Variants in ANP32A observed in about 807,000 individuals in gnomAD.
ANP32A encodes acidic nuclear phosphoprotein 32 family member A.
A neutral mutation model predicts 33.9 loss-of-function variants in ANP32A; 1 was observed. The ratio of observed to expected loss-of-function variants is 0.03; its 90% CI spans 0.01 to 0.14. ANP32A has a LOEUF of 0.14. Among genes scored for constraint, ANP32A ranks in the 10% least tolerant of loss-of-function variants. The pLI is 1.00. For missense variants in ANP32A, 155 were observed against 306.0 expected (o/e 0.51, Z 3.68); for synonymous variants, 115 against 120.5 (o/e 0.95, Z 0.30).
At position 68,810,740 on chromosome 15, in the gene ANP32A, G is replaced by A. The variant is rs990898970; in HGVS notation, c.54+9958C>T. On this transcript the variant is annotated intron_variant, in intron 1 of 6. Coordinates refer to ENST00000465139, the MANE Select transcript of ANP32A (RefSeq NM_006305.4). The stretch of plus-strand genomic sequence containing the variant: ...GCCGTAGAAGATATACCAGAGAAAG[G>A]GAGAGCATCTATCATAAAGTCAAGA... 2.0e-5 allele frequency among the ~76,000 whole-genome samples: 3 copies of A among 152,066 alleles called. No homozygotes were observed. In the East Asian group the frequency reaches 5.8e-4, roughly 29 times the overall value.
chr15:68,804,108 A>G (rs1204296717), intron 1 of ANP32A, among the ~76,000 whole-genome samples: 1 of 152,168 alleles, frequency 6.6e-6, no homozygotes, highest in East Asian at 1.9e-4. Context: ...CCCACAATAA[A>G]ACATTTTTAA....
intron 1 of ANP32A, among the ~76,000 whole-genome samples, chr15:68,818,814 G>C (rs1894428591): frequency 6.6e-6 from 1 of 151,674 alleles, no homozygotes; most frequent in Non-Finnish European, 1.5e-5. Context: ...CGGGAAGACC[G>C]CGGCCCCGGC....
At chr15:68,783,239 A>C (rs1405374426) in intron 4 of ANP32A, among the ~76,000 whole-genome samples, 186 bp from the exon 5 acceptor site, 1 of 152,150 alleles carries the variant, frequency 6.6e-6, no homozygotes, top group East Asian at 1.9e-4. Flanking sequence ...CACATCCTGA[A>C]GTTGTGCCAA....
At position 68,820,850 on chromosome 15, in the gene ANP32A, C is replaced by G; in HGVS notation, c.-99G>C. On this transcript the variant is annotated 5_prime_UTR_variant, in exon 1 of 7. Coordinates refer to ENST00000465139, the MANE Select transcript of ANP32A (RefSeq NM_006305.4). ...GCGTTTTAGGACTTTGAAGGCTCAACCAGCTCCGCTCGGTTCTCGAGCCCC... is the reference window on the plus strand; with the variant it reads ...GCGTTTTAGGACTTTGAAGGCTCAAGCAGCTCCGCTCGGTTCTCGAGCCCC... 1 of 1,436,962 alleles carries G rather than the reference C, an allele frequency of 7.0e-7. No homozygotes were observed. Among genetic ancestry groups the G allele is most frequent in the Non-Finnish European group, 9.7e-7 (1 of 1,030,682 alleles). 89.0% of individuals were successfully genotyped at this position (1,436,962 alleles called of 1,614,324 possible).
chr15:68,789,025 C>T (rs541975253), intron 1 of ANP32A, among the ~76,000 whole-genome samples: 2 of 152,266 alleles, frequency 1.3e-5, no homozygotes, highest in East Asian at 1.9e-4. Flanking sequence ...ATGAAATGAC[C>T]CTGGGAGTAA....
At chr15:68,808,018 G>T (rs1015892817) in intron 1 of ANP32A, among the ~76,000 whole-genome samples, 2 of 152,200 alleles carry the variant, frequency 1.3e-5, no homozygotes, top group African/African-American at 4.8e-5. Flanking sequence ...ACAATCCCAT[G>T]GTGGTGGGGA....
At chr15:68,789,598 C>T (rs1006578658) in intron 1 of ANP32A, 3 of 152,464 alleles carry the variant, frequency 2.0e-5, no homozygotes, top group Non-Finnish European at 4.4e-5. Context: ...TGCCCCTCCT[C>T]AGCCCCCTCT....
intron 1 of ANP32A, chr15:68,791,389 C>T (rs75302609): frequency 0.024 from 3,609 of 152,392 alleles, 112 homozygotes; most frequent in East Asian, 0.18. Context: ...ATGACTCTTA[C>T]GACGGGTAAG....
chr15:68,819,287 G>T (rs1894437635), intron 1 of ANP32A, among the ~76,000 whole-genome samples: 1 of 152,084 alleles, frequency 6.6e-6, no homozygotes, highest in Admixed American at 6.5e-5. Context: ...AGCTGGCCAG[G>T]GTCTCCGCCC....
chr15:68,793,119 T>TA (rs1894018478), intron 1 of ANP32A, among the ~76,000 whole-genome samples: 1 of 152,144 alleles, frequency 6.6e-6, no homozygotes. Context: ...ACTCGTGTAT[T>TA]AAGCATCCGA....
chr15:68,812,735 G>A (rs1894329703), intron 1 of ANP32A, among the ~76,000 whole-genome samples: 1 of 152,162 alleles, frequency 6.6e-6, no homozygotes, highest in African/African-American at 2.4e-5. Flanking sequence ...ATGAATAAAA[G>A]TGTTTTACAT....
intron 1 of ANP32A, among the ~76,000 whole-genome samples, chr15:68,793,975 C>T (rs1567035927): frequency 6.6e-6 from 1 of 152,170 alleles, no homozygotes; most frequent in East Asian, 1.9e-4. Context: ...CCTGAGGCAA[C>T]AAGGAAAGGT....
intron 1 of ANP32A, chr15:68,792,327 C>T (rs537123331): frequency 6.6e-6 from 1 of 152,196 alleles, no homozygotes; most frequent in Admixed American, 6.5e-5. Flanking sequence ...TTTCCAACAC[C>T]CCAAAGAGAA....
Position 68,779,740 on chromosome 15 carries a change from G to A in ANP32A, c.*341C>T, listed in dbSNP as rs1434404442. ...AACCCAAGAGACTTGGGAAATACCAGGAAACGTAAGAGAACTCCAAACCAT... is the reference window on the plus strand; with the variant it reads ...AACCCAAGAGACTTGGGAAATACCAAGAAACGTAAGAGAACTCCAAACCAT... On this transcript the variant is annotated 3_prime_UTR_variant, in exon 7 of 7. Transcript: ENST00000465139. 5 of 221,408 alleles carry A rather than the reference G, an allele frequency of 2.3e-5. No individual in the cohort carries two copies. Among genetic ancestry groups the A allele is most frequent in the Non-Finnish European group, 4.5e-5 (5 of 112,130 alleles). The allele number at this position is 221,408 out of a possible 1,614,324, so 13.7% of individuals were successfully genotyped here. A position where few individuals can be genotyped will look rare whatever the true frequency, so the allele number is the denominator to read the frequency against.
At chr15:68,809,582 G>T (rs1894285417) in intron 1 of ANP32A, among the ~76,000 whole-genome samples, 1 of 152,180 alleles carries the variant, frequency 6.6e-6, no homozygotes, top group African/African-American at 2.4e-5. Context: ...GGTTCAAATT[G>T]TTTACTGATA....
chr15:68,803,841 T>C (rs530795971), intron 1 of ANP32A, among the ~76,000 whole-genome samples: 1 of 144,672 alleles, frequency 6.9e-6, no homozygotes, highest in African/African-American at 2.5e-5. Flanking sequence ...CTTGCTCTGT[T>C]GCCAGGCTGG....
chr15:68,792,695 C>T (rs995169235), intron 1 of ANP32A, among the ~76,000 whole-genome samples: 2 of 152,148 alleles, frequency 1.3e-5, no homozygotes, highest in African/African-American at 2.4e-5. Context: ...TTTGCCTCCA[C>T]ACCAGGTCTC....
chr15:68,818,529 G>A (rs1894421974), intron 1 of ANP32A, among the ~76,000 whole-genome samples: 1 of 152,036 alleles, frequency 6.6e-6, no homozygotes, highest in East Asian at 2.0e-4. Context: ...CCTCCAGGCA[G>A]GGGGCAGGCG....
intron 1 of ANP32A, among the ~76,000 whole-genome samples, chr15:68,814,276 G>A (rs1894351049): frequency 1.3e-5 from 2 of 152,010 alleles, no homozygotes. Context: ...ATTGAAGAAG[G>A]GGGCCAGGCA....
Sources: gnomAD v4.1 joint callset for allele counts (sites outside exome capture counted in the v4.1 genomes callset) on GRCh38, gnomAD v4.1.1 for gene constraint, MANE v1.5 for transcripts, NCBI Gene and HGNC (gene_info 2026-07-23, HGNC 2026-07-21) for gene names.